Variants in ATF7 observed in about 807,000 individuals in gnomAD.
ATF7 encodes cyclic AMP-dependent transcription factor ATF-7.
In ATF7, 10 loss-of-function variants were observed where a neutral mutation model predicts 50.4. The observed-to-expected ratio is 0.20, with a 90% confidence interval of 0.12 to 0.34. The LOEUF is 0.34. ATF7 is among the 10% of genes least tolerant of loss of function. ATF7 has a pLI of 1.00. For missense variants in ATF7, 465 were observed against 613.9 expected (o/e 0.76, Z 2.56); for synonymous variants, 201 against 226.4 (o/e 0.89, Z 1.01).
chr12:53,540,036 C>T (rs1250008214), intron 4 of ATF7, among the ~76,000 whole-genome samples: 1 of 151,698 alleles, frequency 6.6e-6, no homozygotes, highest in Non-Finnish European at 1.5e-5. Flanking sequence ...CTAGCCTGGG[C>T]AGCAGAGTGA....
intron 2 of ATF7, among the ~76,000 whole-genome samples, chr12:53,598,146 C>A (rs1414616720): frequency 1.3e-5 from 2 of 152,126 alleles, no homozygotes; most frequent in African/African-American, 4.8e-5. Flanking sequence ...ATCTTATCTG[C>A]CAGATTTTCA....
At chr12:53,551,351 A>G (rs1049351405) in intron 3 of ATF7, among the ~76,000 whole-genome samples, 1 of 152,132 alleles carries the variant, frequency 6.6e-6, no homozygotes, top group Non-Finnish European at 1.5e-5. Flanking sequence ...TTGTAGAGAC[A>G]AGGTCTCTCT....
intron 1 of ATF7, among the ~76,000 whole-genome samples, chr12:53,625,800 C>G (rs1944581623): frequency 6.6e-6 from 1 of 152,146 alleles, no homozygotes; most frequent in African/African-American, 2.4e-5. Flanking sequence ...CTTTGGGAAG[C>G]CCTGGGTTTC....
chr12:53,535,848 G>A (rs1161501656), intron 5 of ATF7, among the ~76,000 whole-genome samples: 2 of 151,986 alleles, frequency 1.3e-5, no homozygotes, highest in Non-Finnish European at 2.9e-5. Context: ...GTGCATTAAA[G>A]TCATAACAAC....
intron 2 of ATF7, among the ~76,000 whole-genome samples, chr12:53,586,725 C>T (rs980818099): frequency 6.6e-6 from 1 of 152,158 alleles, no homozygotes; most frequent in Non-Finnish European, 1.5e-5. Context: ...CAGGCTGCTG[C>T]CCTGAACCAC....
intron 1 of ATF7, among the ~76,000 whole-genome samples, chr12:53,609,258 G>A (rs1311070721): frequency 6.6e-6 from 1 of 151,106 alleles, no homozygotes; most frequent in Non-Finnish European, 1.5e-5. Flanking sequence ...AGGTTCAAGC[G>A]ATTCTCCTGC....
chr12:53,600,714 T>C (rs1399666815), intron 2 of ATF7: 3 of 415,896 alleles, frequency 7.2e-6, no homozygotes, highest in Admixed American at 4.0e-5. Context: ...TATTTTTCCA[T>C]ACTGTGTGGT....
intron 4 of ATF7, among the ~76,000 whole-genome samples, chr12:53,540,656 G>A (rs1026526502): frequency 1.3e-5 from 2 of 151,994 alleles, no homozygotes; most frequent in African/African-American, 4.8e-5. Context: ...AACCTGGGAG[G>A]TGGAGGTTGC....
intron 1 of ATF7, among the ~76,000 whole-genome samples, chr12:53,605,447 A>G (rs545935450): frequency 6.6e-6 from 1 of 152,124 alleles, no homozygotes; most frequent in South Asian, 2.1e-4. Flanking sequence ...AATAACCGTA[A>G]TTTGCTTTTT....
At position 53,601,631 on chromosome 12, in the gene ATF7, G is replaced by A. The variant is rs554972835; in HGVS notation, c.-21-610C>T. 5.3e-5 allele frequency among the ~76,000 whole-genome samples: 8 copies of A among 152,208 alleles called. No homozygotes were observed. In the South Asian group the frequency reaches 1.7e-3, roughly 32 times the overall value. On this transcript the variant is annotated intron_variant, in intron 1 of 11. Coordinates refer to ENST00000420353, the MANE Select transcript of ATF7 (RefSeq NM_006856.3). ...GAGCCTCCTCCTCCCCCCACCAATC[G>A]TCTGTGGCAAATGGAGAAGTATCGA...
intron 9 of ATF7, among the ~76,000 whole-genome samples, chr12:53,529,004 C>G (rs1435184353): frequency 6.6e-6 from 1 of 151,990 alleles, no homozygotes; most frequent in Non-Finnish European, 1.5e-5. Flanking sequence ...CTTTGGGAGG[C>G]TGAGGCGGGA....
intron 1 of ATF7, among the ~76,000 whole-genome samples, chr12:53,616,614 T>C (rs1268634535): frequency 6.6e-6 from 1 of 152,134 alleles, no homozygotes; most frequent in Non-Finnish European, 1.5e-5. Flanking sequence ...GTTTCAAATG[T>C]ATGGGAACAC....
At chr12:53,606,645 T>C (rs1435825057) in intron 1 of ATF7, among the ~76,000 whole-genome samples, 2 of 151,870 alleles carry the variant, frequency 1.3e-5, no homozygotes, top group Non-Finnish European at 2.9e-5. Context: ...ACATGTGCCA[T>C]GTTGGTGTGC....
chr12:53,590,969 G>A (rs899717640), intron 2 of ATF7, among the ~76,000 whole-genome samples: 1 of 152,054 alleles, frequency 6.6e-6, no homozygotes, highest in African/African-American at 2.4e-5. Context: ...TTATACATTT[G>A]CGAAACCCCA....
intron 2 of ATF7, among the ~76,000 whole-genome samples, chr12:53,579,789 A>C (rs1481156909): frequency 6.6e-6 from 1 of 152,196 alleles, no homozygotes; most frequent in East Asian, 1.9e-4. Context: ...GAAGCCTGCC[A>C]GCATGTATGT....
chr12:53,516,837 C>T lies in ATF7; in HGVS notation c.*300G>A, dbSNP rs748407006. 3.8e-5 allele frequency: 15 copies of T among 392,206 alleles called. No individual in the cohort carries two copies. The highest frequency in any genetic ancestry group is 6.2e-5 in the Non-Finnish European group (13 of 209,254). The allele number at this position is 392,206 out of a possible 1,614,324, so 24.3% of individuals were successfully genotyped here. A position where few individuals can be genotyped will look rare whatever the true frequency, so the allele number is the denominator to read the frequency against. ...GTTAGTGTTAAAAGAGACAGATACA[C>T]GTGCATGGGGCAGGGGTGATTGTTC... On this transcript the variant is annotated 3_prime_UTR_variant, in exon 12 of 12. Transcript: ENST00000420353.
chr12:53,597,538 G>A (rs370869455), intron 2 of ATF7, among the ~76,000 whole-genome samples: 34 of 152,186 alleles, frequency 2.2e-4, no homozygotes, highest in East Asian at 1.9e-3. Flanking sequence ...AGCCAGGCAC[G>A]GTGGCTCACG....
At chr12:53,572,125 T>G (rs1315528946) in intron 2 of ATF7, among the ~76,000 whole-genome samples, 1 of 152,170 alleles carries the variant, frequency 6.6e-6, no homozygotes, top group Non-Finnish European at 1.5e-5. Context: ...CTTACTCGAT[T>G]CATAAACCAA....
At chr12:53,574,565 C>T (rs1354896158) in intron 2 of ATF7, 4 of 153,082 alleles carry the variant, frequency 2.6e-5, no homozygotes, top group Admixed American at 6.5e-5. Flanking sequence ...GCCACATAGC[C>T]GTGCTGCTCA....
Sources: allele counts gnomAD v4.1 joint callset (sites outside exome capture counted in the v4.1 genomes callset), GRCh38; gene constraint gnomAD v4.1.1; transcripts MANE v1.5; gene names NCBI Gene and HGNC (gene_info 2026-07-23, HGNC 2026-07-21).